The following NRCAM variants were observed in gnomAD, a reference collection of about 807,000 sequenced individuals.
NRCAM encodes the protein NgCAM-related cell adhesion molecule.
A neutral mutation model predicts 156.5 loss-of-function variants in NRCAM; 83 were observed. The ratio of observed to expected loss-of-function variants is 0.53; its 90% CI spans 0.44 to 0.64. NRCAM has a LOEUF of 0.64. Among genes scored for constraint, NRCAM ranks in the 30% least tolerant of loss-of-function variants. The pLI is 0.00. For synonymous variants in NRCAM, 538 were observed against 563.9 expected, an observed-to-expected ratio of 0.95 and a Z score of 0.65; for missense variants, 1,417 against 1,597.3, an observed-to-expected ratio of 0.89 and a Z score of 1.92.
intron 25 of NRCAM, among the ~76,000 whole-genome samples, 183 bp downstream of exon 25, chr7:108,180,040 G>A (rs1237349870): frequency 6.6e-6 from 1 of 152,196 alleles, no homozygotes; most frequent in Non-Finnish European, 1.5e-5. Flanking sequence ...AGCCTTCTAT[G>A]TACACTTAGG....
At chr7:108,423,570 G>T (rs1563745071) in intron 1 of NRCAM, among the ~76,000 whole-genome samples, 1 of 152,202 alleles carries the variant, frequency 6.6e-6, no homozygotes, top group Non-Finnish European at 1.5e-5. Context: ...TGACTGATGA[G>T]GTAAGTTCCA....
chr7:108,199,872 G>T (rs1437937576), intron 13 of NRCAM, among the ~76,000 whole-genome samples: 2 of 152,138 alleles, frequency 1.3e-5, no homozygotes, highest in African/African-American at 4.8e-5. Flanking sequence ...GGATTATTCT[G>T]TCTACCACAT....
intron 2 of NRCAM, among the ~76,000 whole-genome samples, chr7:108,363,281 C>G (rs1595152534): frequency 6.6e-6 from 1 of 152,086 alleles, no homozygotes; most frequent in South Asian, 2.1e-4. Flanking sequence ...CCCACTATTT[C>G]CTTTTTTTTT....
chr7:108,319,473 T>C (rs986761968), intron 2 of NRCAM, among the ~76,000 whole-genome samples: 15 of 152,344 alleles, frequency 9.8e-5, no homozygotes, highest in African/African-American at 2.9e-4. Context: ...CCAAGTTCTA[T>C]GCTGAGCATC....
intron 1 of NRCAM, among the ~76,000 whole-genome samples, chr7:108,452,330 A>T (rs1851331527): frequency 6.6e-6 from 1 of 152,220 alleles, no homozygotes; most frequent in African/African-American, 2.4e-5. Flanking sequence ...TTCACAATGT[A>T]TACATATATC....
At chr7:108,383,862 C>T (rs985547497) in intron 2 of NRCAM, among the ~76,000 whole-genome samples, 7 of 152,140 alleles carry the variant, frequency 4.6e-5, no homozygotes, top group African/African-American at 1.2e-4. Flanking sequence ...GTCTGAGATG[C>T]GTAACTGAAC....
At chr7:108,245,256 C>T (rs1441629537) in intron 3 of NRCAM, among the ~76,000 whole-genome samples, 2 of 152,134 alleles carry the variant, frequency 1.3e-5, no homozygotes, top group African/African-American at 4.8e-5. Context: ...CCTAGCATTT[C>T]CCTCCCTCCT....
At chr7:108,150,777 A>G (rs749813546) in intron 32 of NRCAM, 2 of 522,666 alleles carry the variant, frequency 3.8e-6, no homozygotes, top group African/African-American at 2.0e-5. Context: ...CAAAATCCTT[A>G]TACTGATAGT....
intron 18 of NRCAM, 59 bp from the exon 19 acceptor site, chr7:108,191,342 A>G (rs907344541): frequency 2.4e-6 from 3 of 1,251,708 alleles, no homozygotes; most frequent in Non-Finnish European, 2.3e-6. Context: ...AAGATACAAG[A>G]TAGCACAAGA....
intron 2 of NRCAM, among the ~76,000 whole-genome samples, chr7:108,397,776 G>A (rs565039760): frequency 3.9e-5 from 6 of 152,300 alleles, no homozygotes; most frequent in South Asian, 4.1e-4. Flanking sequence ...GCACTGGCTT[G>A]TTACTGTCCT....
intron 3 of NRCAM, among the ~76,000 whole-genome samples, chr7:108,284,674 C>CAGAA (rs2098011069): frequency 6.6e-6 from 1 of 152,152 alleles, no homozygotes; most frequent in Admixed American, 6.5e-5. Context: ...AGATGTTCTT[C>CAGAA]CTCTGTGCCC....
chr7:108,347,097 G>A (rs567860267), intron 2 of NRCAM, among the ~76,000 whole-genome samples: 1 of 138,826 alleles, frequency 7.2e-6, no homozygotes, highest in Non-Finnish European at 1.5e-5. Context: ...GAGTGCAGTG[G>A]TGCAATCTCG....
intron 1 of NRCAM, among the ~76,000 whole-genome samples, chr7:108,412,522 T>A (rs777533213): frequency 2.0e-5 from 3 of 152,232 alleles, no homozygotes; most frequent in Non-Finnish European, 4.4e-5. Context: ...AATAAATATA[T>A]GCATTACCTC....
intron 32 of NRCAM, among the ~76,000 whole-genome samples, chr7:108,156,025 T>C (rs765955389): frequency 1.3e-5 from 2 of 152,112 alleles, no homozygotes; most frequent in Non-Finnish European, 2.9e-5. Flanking sequence ...TTTCCTGTTG[T>C]TACCACCCTC....
intron 3 of NRCAM, among the ~76,000 whole-genome samples, chr7:108,290,201 C>T (rs899206743): frequency 6.6e-6 from 1 of 152,018 alleles, no homozygotes; most frequent in Non-Finnish European, 1.5e-5. Context: ...ATCCTTTTTG[C>T]CTTTCCTAAT....
chr7:108,450,517 C>T (rs1302686977), intron 1 of NRCAM, among the ~76,000 whole-genome samples: 2 of 150,526 alleles, frequency 1.3e-5, no homozygotes, highest in East Asian at 3.9e-4. Flanking sequence ...AATGCCAGTA[C>T]ATCCCTAAAC....
intron 25 of NRCAM, among the ~76,000 whole-genome samples, chr7:108,178,876 A>C (rs1440094859): frequency 6.6e-6 from 1 of 152,058 alleles, no homozygotes; most frequent in Non-Finnish European, 1.5e-5. Flanking sequence ...CTAGCCAAAA[A>C]CCAGAGTCAA....
In NRCAM at chr7:108,306,055, G is replaced by A. The variant is rs2098710397; in HGVS notation, c.-107+6610C>T. ...ATATAAACAACCATTTAAAATAATA[G>A]TGAATTTTGGGGTTAATTATTATTA... On this transcript the variant is annotated intron_variant, in intron 3 of 32. Coordinates refer to ENST00000379028, the MANE Select transcript of NRCAM (RefSeq NM_001037132.4). Among the ~76,000 whole-genome samples, 3 of 152,116 alleles carry A rather than the reference G, an allele frequency of 2.0e-5. No homozygotes were observed. The South Asian group carries it at 6.2e-4, about 31-fold the overall frequency.
intron 7 of NRCAM, 55 bp downstream of exon 7, chr7:108,232,271 A>C: frequency 1.6e-6 from 2 of 1,266,810 alleles, no homozygotes; most frequent in Non-Finnish European, 2.2e-6. Context: ...ACAGAAGCTG[A>C]GTCTTGGAGC....
Sources: gnomAD v4.1 joint callset for allele counts (sites outside exome capture counted in the v4.1 genomes callset) on GRCh38, gnomAD v4.1.1 for gene constraint, MANE v1.5 for transcripts, NCBI Gene and HGNC (gene_info 2026-07-23, HGNC 2026-07-21) for gene names.